The following EFCAB13 variants were observed in gnomAD, a reference collection of about 807,000 sequenced individuals.
EFCAB13 encodes EF-hand calcium-binding domain-containing protein 13.
EFCAB13 carries 91 observed loss-of-function variants against 110.2 expected under a neutral mutation model. The observed-to-expected ratio is 0.83, with a 90% CI of 0.70 to 0.98. EFCAB13 has a LOEUF of 0.98. EFCAB13 is among the 50% of genes least tolerant of loss of function. The pLI, the probability that EFCAB13 is intolerant of heterozygous loss-of-function variation, is 0.00. For synonymous variants in EFCAB13, 323 were observed against 369.9 expected (o/e 0.87, Z 1.45); for missense variants, 968 against 1,119.4 (o/e 0.86, Z 1.93).
chr17:47,404,412 G>A, intron 19 of EFCAB13, 150 bp from the exon 20 acceptor site: 1 of 593,908 alleles, frequency 1.7e-6, no homozygotes, highest in South Asian at 2.5e-5. Flanking sequence ...TAGGGTTATT[G>A]CGAGGCTTAA....
At chr17:47,347,260 A>G (rs1049992360) in intron 8 of EFCAB13, among the ~76,000 whole-genome samples, 3 of 152,212 alleles carry the variant, frequency 2.0e-5, no homozygotes, top group African/African-American at 7.2e-5. Flanking sequence ...AGCCTGAGCA[A>G]CAGAGAAACT....
In EFCAB13 at chr17:47,342,065, T is replaced by A. The variant is rs748891448; in HGVS notation, c.303+33T>A. ...AAGATTTGGAAATTTTTCTTTTACC[T>A]TCAAATATTTTCCTTAGCCCTCAAA... On this transcript the variant is annotated intron_variant, in intron 6 of 24. Transcript: ENST00000331493. 3 of 1,256,602 alleles carry A rather than the reference T, an allele frequency of 2.4e-6. No individual in the cohort carries two copies. The East Asian group carries it at 7.2e-5, about 30-fold the overall frequency. The allele number at this position is 1,256,602 out of a possible 1,614,324, so 77.8% of individuals were successfully genotyped here.
intron 23 of EFCAB13, among the ~76,000 whole-genome samples, chr17:47,428,205 T>C (rs1190324932): frequency 6.6e-6 from 1 of 152,056 alleles, no homozygotes; most frequent in African/African-American, 2.4e-5. Flanking sequence ...TTATGTACTT[T>C]AGATGTTCTG....
chr17:47,369,044 T>G (rs929080038), intron 10 of EFCAB13, among the ~76,000 whole-genome samples: 1 of 152,200 alleles, frequency 6.6e-6, no homozygotes, highest in Admixed American at 6.5e-5. Flanking sequence ...GTGGCAGATA[T>G]AGAATTCCAT....
chr17:47,419,978 C>G (rs139177451), intron 23 of EFCAB13, among the ~76,000 whole-genome samples: 1 of 152,006 alleles, frequency 6.6e-6, no homozygotes, highest in African/African-American at 2.4e-5. Context: ...TCTCTTTCCA[C>G]GGTCTCCCTC....
chr17:47,411,566 T>C (rs1392286553), intron 21 of EFCAB13, among the ~76,000 whole-genome samples: 1 of 152,208 alleles, frequency 6.6e-6, no homozygotes, highest in African/African-American at 2.4e-5. Flanking sequence ...TATCAAGGAA[T>C]TTACTTGAAA....
At chr17:47,341,811 TG>T (rs1178549909) in intron 5 of EFCAB13, 109 bp from the exon 6 acceptor site, 3 of 630,384 alleles carry the variant, frequency 4.8e-6, no homozygotes, top group Non-Finnish European at 8.3e-6. Context: ...TGAAACTGGG[TG>T]ATGGGATTCT....
chr17:47,372,274 C>T (rs1248101760), intron 11 of EFCAB13, among the ~76,000 whole-genome samples: 1 of 151,996 alleles, frequency 6.6e-6, no homozygotes, highest in East Asian at 1.9e-4. Context: ...TACTCTGAAG[C>T]TTACAAAATA....
chr17:47,370,411 C>T (rs774705821), intron 10 of EFCAB13, 26 bp from the exon 11 acceptor site: 17 of 1,400,764 alleles, frequency 1.2e-5, no homozygotes, highest in African/African-American at 1.1e-4. Context: ...AAAGTAAATA[C>T]AGTATTTGAA....
At chr17:47,341,318 A>G (rs1470678972) in intron 5 of EFCAB13, 1 of 152,316 alleles carries the variant, frequency 6.6e-6, no homozygotes, top group Non-Finnish European at 1.5e-5. Flanking sequence ...TGGTGCCTGT[A>G]TATTTGATGA....
intron 4 of EFCAB13, chr17:47,328,835 A>G (rs1401173429): frequency 6.5e-6 from 1 of 153,560 alleles, no homozygotes; most frequent in Admixed American, 6.5e-5. Context: ...AAATAAGACA[A>G]GTTTTTTCAA....
intron 10 of EFCAB13, among the ~76,000 whole-genome samples, chr17:47,367,871 A>G (rs1433992387): frequency 6.6e-6 from 1 of 152,172 alleles, no homozygotes. Flanking sequence ...GGCCTGGGAA[A>G]GCAAAGTTTT....
At chr17:47,385,463 G>A (rs1159493182) in intron 14 of EFCAB13, among the ~76,000 whole-genome samples, 2 of 151,736 alleles carry the variant, frequency 1.3e-5, no homozygotes, top group African/African-American at 4.8e-5. Context: ...TATGCTTCAT[G>A]AAGTTCTTGT....
At position 47,433,241 on chromosome 17, in the gene EFCAB13, C is replaced by T. The variant is rs1905153020; in HGVS notation, c.2638+3280C>T. On this transcript the variant is annotated intron_variant, in intron 24 of 24. Coordinates refer to ENST00000331493, the MANE Select transcript of EFCAB13 (RefSeq NM_152347.5). Reference sequence around the variant, plus strand: ...GGGTTATGCGCTTTTGGGATGAATACCCCGAAGGTAAAGTGCCCTTTTTAT... The same window carrying T: ...GGGTTATGCGCTTTTGGGATGAATATCCCGAAGGTAAAGTGCCCTTTTTAT... Among the ~76,000 whole-genome samples the T allele has an allele frequency of 2.6e-5, 4 of 152,104 alleles. No individual in the cohort carries two copies. In the South Asian group the frequency reaches 8.3e-4, roughly 32 times the overall value.
At chr17:47,397,164 G>A (rs1003802580) in intron 17 of EFCAB13, among the ~76,000 whole-genome samples, 11 of 151,968 alleles carry the variant, frequency 7.2e-5, no homozygotes, top group African/African-American at 1.5e-4. Context: ...GGCGCGCGCC[G>A]CCACGCCTGA....
chr17:47,391,292 A>G (rs778298831), intron 14 of EFCAB13, 145 bp from the exon 15 acceptor site: 2 of 487,534 alleles, frequency 4.1e-6, no homozygotes, highest in East Asian at 4.1e-5. Flanking sequence ...TTTATTAAAG[A>G]TTCTAGATAT....
chr17:47,355,465 A>G (rs906716268), intron 9 of EFCAB13, among the ~76,000 whole-genome samples: 3 of 152,178 alleles, frequency 2.0e-5, no homozygotes, highest in Admixed American at 2.0e-4. Flanking sequence ...TATTCCCTCA[A>G]ATATGTTTTA....
intron 14 of EFCAB13, among the ~76,000 whole-genome samples, chr17:47,383,516 T>G (rs1239865128): frequency 6.6e-6 from 1 of 152,238 alleles, no homozygotes; most frequent in Non-Finnish European, 1.5e-5. Flanking sequence ...CTTATTTATT[T>G]CTGCCTTCAT....
intron 5 of EFCAB13, among the ~76,000 whole-genome samples, chr17:47,340,381 A>G (rs963306556): frequency 6.6e-6 from 1 of 152,028 alleles, no homozygotes; most frequent in Non-Finnish European, 1.5e-5. Flanking sequence ...ATAATTCAGT[A>G]CTCAGGAGGC....
Sources: gnomAD v4.1 joint callset for allele counts (sites outside exome capture counted in the v4.1 genomes callset) on GRCh38, gnomAD v4.1.1 for gene constraint, MANE v1.5 for transcripts, NCBI Gene and HGNC (gene_info 2026-07-23, HGNC 2026-07-21) for gene names.